The following ADGRB3 variants were observed in gnomAD, a reference collection of about 807,000 sequenced individuals.
The protein encoded by ADGRB3 is brain-specific angiogenesis inhibitor 3.
Under a neutral mutation model 193.4 loss-of-function variants are expected in ADGRB3, and 37 were observed. The observed-to-expected ratio is 0.19, with a 90% CI of 0.15 to 0.25. ADGRB3 has a LOEUF of 0.25. ADGRB3 is among the 10% of genes least tolerant of loss of function. The pLI is 1.00. For missense variants in ADGRB3, 1,637 were observed against 1,852.9 expected (o/e 0.88, Z 2.14); for synonymous variants, 690 against 644.2 (o/e 1.07, Z -1.08).
chr6:68,997,369 G>A (rs941661660), intron 11 of ADGRB3, among the ~76,000 whole-genome samples: 5 of 151,698 alleles, frequency 3.3e-5, no homozygotes, highest in Admixed American at 6.6e-5. Flanking sequence ...TAAACCAGGC[G>A]CAGTGGCTCA....
At chr6:69,123,358 C>CT (rs1319833798) in intron 17 of ADGRB3, among the ~76,000 whole-genome samples, 1 of 152,128 alleles carries the variant, frequency 6.6e-6, no homozygotes, top group Non-Finnish European at 1.5e-5. Context: ...AGGGCAAGAA[C>CT]TTTTACCTCC....
intron 4 of ADGRB3, among the ~76,000 whole-genome samples, chr6:68,933,092 AATG>A (rs1262308721): frequency 1.3e-5 from 2 of 150,606 alleles, no homozygotes; most frequent in Non-Finnish European, 3.0e-5. Context: ...TATAAAATTA[AATG>A]ATATCATATA....
intron 26 of ADGRB3, among the ~76,000 whole-genome samples, chr6:69,348,490 A>G (rs370368333): frequency 2.8e-5 from 3 of 108,634 alleles, no homozygotes; most frequent in Non-Finnish European, 5.5e-5. Context: ...TTACTAAAAA[A>G]TGCAAAAAAA....
chr6:69,331,777 G>C (rs1582637459), intron 23 of ADGRB3: 8 of 984,944 alleles, frequency 8.1e-6, no homozygotes, highest in Non-Finnish European at 8.4e-6. Flanking sequence ...ACCAAAGTAT[G>C]GTCTTTGGAG....
intron 20 of ADGRB3, among the ~76,000 whole-genome samples, chr6:69,270,749 G>C (rs895160930): frequency 6.6e-6 from 1 of 152,094 alleles, no homozygotes; most frequent in South Asian, 2.1e-4. Context: ...CCTGCTGTTC[G>C]ATTAAGAATG....
At chr6:69,319,649 A>G (rs1384632033) in intron 20 of ADGRB3, among the ~76,000 whole-genome samples, 1 of 151,286 alleles carries the variant, frequency 6.6e-6, no homozygotes, top group African/African-American at 2.4e-5. Flanking sequence ...TTCCTTCTGT[A>G]TCTTCTTTGT....
chr6:69,145,944 C>T (rs1166116841), intron 17 of ADGRB3, among the ~76,000 whole-genome samples: 2 of 152,082 alleles, frequency 1.3e-5, no homozygotes, highest in South Asian at 2.1e-4. Context: ...TTTGTTCATG[C>T]GCAGGAATGG....
intron 17 of ADGRB3, among the ~76,000 whole-genome samples, chr6:69,230,033 C>T (rs1369604017): frequency 6.6e-6 from 1 of 152,132 alleles, no homozygotes; most frequent in Non-Finnish European, 1.5e-5. Flanking sequence ...TAACAGCTAA[C>T]ATGGGTGAAT....
At chr6:69,013,660 A>G (rs935299335) in intron 11 of ADGRB3, among the ~76,000 whole-genome samples, 2 of 152,104 alleles carry the variant, frequency 1.3e-5, no homozygotes, top group Non-Finnish European at 2.9e-5. Flanking sequence ...ACAACTCACA[A>G]TTTAACAGGA....
At chr6:69,340,926 C>T (rs1768961246) in intron 26 of ADGRB3, among the ~76,000 whole-genome samples, 1 of 152,116 alleles carries the variant, frequency 6.6e-6, no homozygotes, top group South Asian at 2.1e-4. Flanking sequence ...CATCCATGTC[C>T]CTGCAAATGA....
At chr6:69,082,174 C>A (rs1224196763) in intron 17 of ADGRB3, among the ~76,000 whole-genome samples, 1 of 151,932 alleles carries the variant, frequency 6.6e-6, no homozygotes, top group Admixed American at 6.6e-5. Context: ...ACTATTTAGT[C>A]TTTTATAGAA....
At chr6:69,299,855 G>T (rs1217666667) in intron 20 of ADGRB3, among the ~76,000 whole-genome samples, 1 of 151,302 alleles carries the variant, frequency 6.6e-6, no homozygotes, top group African/African-American at 2.4e-5. Context: ...GATTTTTTTT[G>T]ACTATTCTGA....
rs149432298 is a variant in ADGRB3, at chr6:69,243,503, G to A, written c.2814+4277G>A. 1.9e-4 allele frequency among the ~76,000 whole-genome samples: 28 copies of A among 150,488 alleles called. No individual in the cohort carries two copies. The East Asian group carries it at 5.0e-3, about 27-fold the overall frequency. On this transcript the variant is annotated intron_variant, in intron 20 of 31. Transcript: ENST00000370598. The stretch of plus-strand genomic sequence containing the variant: ...TATGGATAAAACCGTGGGCCCCATC[G>A]CTAAAAGATATGGGATATAGGCCAC...
At position 69,027,858 on chromosome 6, in the gene ADGRB3, C is replaced by T. The variant is rs924676468; in HGVS notation, c.2107+9359C>T. Among the ~76,000 whole-genome samples the T allele has an allele frequency of 7.9e-5, 12 of 152,196 alleles. 1 individual carries two copies. Among genetic ancestry groups the T allele is most frequent in the African/African-American group, 2.9e-4 (12 of 41,460 alleles). On this transcript the variant is annotated intron_variant, in intron 13 of 31. Coordinates refer to ENST00000370598, the MANE Select transcript of ADGRB3 (RefSeq NM_001704.3). The stretch of plus-strand genomic sequence containing the variant: ...AGCACTCAAGGAAATATATCCACTG[C>T]ATCTCCAAGAATCCAACTACAGAAG...
At chr6:69,386,871 C>A (rs1297623239) in intron 31 of ADGRB3, among the ~76,000 whole-genome samples, 1 of 152,068 alleles carries the variant, frequency 6.6e-6, no homozygotes, top group African/African-American at 2.4e-5. Flanking sequence ...TCCCATAGTA[C>A]TTTTCCTGGA....
intron 17 of ADGRB3, among the ~76,000 whole-genome samples, chr6:69,115,294 A>G (rs1773497834): frequency 6.6e-6 from 1 of 152,256 alleles, no homozygotes; most frequent in African/African-American, 2.4e-5. Flanking sequence ...TGTCCTTTGC[A>G]GGTACATGGA....
chr6:69,260,138 A>C (rs183603417), intron 20 of ADGRB3, among the ~76,000 whole-genome samples: 1 of 152,214 alleles, frequency 6.6e-6, no homozygotes, highest in African/African-American at 2.4e-5. Context: ...GGAATCGAAG[A>C]TTTGAAGGAG....
intron 17 of ADGRB3, among the ~76,000 whole-genome samples, chr6:69,171,143 T>C (rs1775261143): frequency 9.1e-6 from 1 of 109,388 alleles, no homozygotes; most frequent in African/African-American, 2.7e-5. Context: ...CATTCTCTTT[T>C]TCATAATGTC....
intron 3 of ADGRB3, among the ~76,000 whole-genome samples, chr6:68,874,642 T>A (rs1009097811): frequency 1.1e-4 from 17 of 152,202 alleles, no homozygotes; most frequent in Admixed American, 2.0e-4. Context: ...TTAAGAAAAC[T>A]AAGACCAATG....
Sources: allele counts gnomAD v4.1 joint callset (sites outside exome capture counted in the v4.1 genomes callset), GRCh38; gene constraint gnomAD v4.1.1; transcripts MANE v1.5; gene names NCBI Gene and HGNC (gene_info 2026-07-23, HGNC 2026-07-21).